Variants in RUNX1 observed in about 807,000 individuals in gnomAD.
RUNX1 encodes the protein RUNX family transcription factor 1, also known as runt-related transcription factor 1.
Under a neutral mutation model 42.8 loss-of-function variants are expected in RUNX1, and 19 were observed. That is an observed-to-expected ratio of 0.44 (90% CI 0.31 to 0.65). The LOEUF (loss-of-function observed/expected upper bound fraction) is 0.65, where lower values mean the gene tolerates loss of function less well. Among genes scored for constraint, RUNX1 ranks in the 30% least tolerant of loss-of-function variants. The pLI is 0.07. For missense variants in RUNX1, 528 were observed against 672.0 expected, an observed-to-expected ratio of 0.79 and a Z score of 2.37; for synonymous variants, 271 against 289.4, an observed-to-expected ratio of 0.94 and a Z score of 0.64.
intron 6 of RUNX1, among the ~76,000 whole-genome samples, chr21:34,836,726 T>A (rs7280071): frequency 0.28 from 42,822 of 152,106 alleles, 7,110 homozygotes; most frequent in African/African-American, 0.46. Flanking sequence ...AAACTTCACA[T>A]TCCTCAGGCA....
At chr21:34,897,352 C>T (rs945144531) in intron 2 of RUNX1, among the ~76,000 whole-genome samples, 47 of 152,170 alleles carry the variant, frequency 3.1e-4, no homozygotes, top group African/African-American at 1.1e-3. Flanking sequence ...CCAGATTAGT[C>T]TCCTGCACCA....
chr21:34,834,753 G>A, intron 6 of RUNX1, 152 bp from the exon 7 acceptor site: 2 of 722,970 alleles, frequency 2.8e-6, no homozygotes, highest in East Asian at 5.4e-5. Flanking sequence ...CTAGAGATAT[G>A]CCAGCTGAAT....
At chr21:34,834,157 A>G in intron 7 of RUNX1, 1 of 692,634 alleles carries the variant, frequency 1.4e-6, no homozygotes, top group Non-Finnish European at 2.6e-6. Context: ...AGCTCCTCGT[A>G]TCCTCTGTAG....
rs1439075551 is a variant in RUNX1, at chr21:35,047,559, ACACTCTCT to A, written c.58+1275_58+1282del. ...CACACACACACACACACACACACACACACTCTCTCTCTCTCTCTCTCTCTCTCTCTCTC... is the reference window on the plus strand; with the variant it reads ...CACACACACACACACACACACACACACTCTCTCTCTCTCTCTCTCTCTCTC... On this transcript the variant is annotated intron_variant, in intron 2 of 8. Transcript: ENST00000675419. Among the ~76,000 whole-genome samples, 206 of 64,284 alleles carry A rather than the reference ACACTCTCT, an allele frequency of 3.2e-3. 1 individual carries two copies. Among genetic ancestry groups the A allele is most frequent in the South Asian group, 0.02 (33 of 1,634 alleles). The allele number at this position is 64,284 out of a possible 152,430, so 42.2% of individuals were successfully genotyped here.
intron 7 of RUNX1, among the ~76,000 whole-genome samples, chr21:34,816,468 G>T (rs958053030): frequency 1.2e-4 from 18 of 152,142 alleles, no homozygotes; most frequent in African/African-American, 4.1e-4. Flanking sequence ...CAGCACAGAT[G>T]GTGGAAAATC....
chr21:34,929,935 C>G (rs1197087160), intron 2 of RUNX1, among the ~76,000 whole-genome samples: 1 of 151,698 alleles, frequency 6.6e-6, no homozygotes, highest in East Asian at 1.9e-4. Flanking sequence ...TTCATATATC[C>G]CCTTTTAAGT....
intron 2 of RUNX1, among the ~76,000 whole-genome samples, chr21:34,894,055 GC>G (rs1160820973): frequency 6.6e-6 from 1 of 152,128 alleles, no homozygotes; most frequent in Non-Finnish European, 1.5e-5. Flanking sequence ...TTTTTAAAGA[GC>G]AAGGCAGAGA....
chr21:34,913,461 A>T (rs1196173007), intron 2 of RUNX1, among the ~76,000 whole-genome samples: 1 of 152,154 alleles, frequency 6.6e-6, no homozygotes, highest in African/African-American at 2.4e-5. Context: ...CCAGGCCAGG[A>T]GTGTCAGCTT....
At chr21:34,897,122 A>G (rs1043651096) in intron 2 of RUNX1, among the ~76,000 whole-genome samples, 4 of 152,190 alleles carry the variant, frequency 2.6e-5, no homozygotes, top group Admixed American at 6.5e-5. Flanking sequence ...CCACTGCACC[A>G]TCATTCTCCC....
chr21:34,831,071 CG>C (rs2057056704), intron 7 of RUNX1, among the ~76,000 whole-genome samples: 2 of 152,082 alleles, frequency 1.3e-5, no homozygotes, highest in African/African-American at 4.8e-5. Flanking sequence ...GAACAGGCAT[CG>C]GTACCACTAG....
chr21:34,788,185 C>T lies in RUNX1; in HGVS notation c.*3950G>A, dbSNP rs764385551. On this transcript the variant is annotated 3_prime_UTR_variant, in exon 9 of 9. Transcript: ENST00000675419. ...CACGAATTTTCAGGATGTTTTGTGA[C>T]CAAACCCAATAACTGCCACACAAAT... 3.9e-5 allele frequency: 9 copies of T among 233,540 alleles called. No individual in the cohort carries two copies. In the Admixed American group the frequency reaches 3.9e-4, roughly 10 times the overall value. 14.5% of individuals were successfully genotyped at this position (233,540 alleles called of 1,614,324 possible).
chr21:34,830,338 CT>C (rs1313886029), intron 7 of RUNX1, among the ~76,000 whole-genome samples: 40 of 152,254 alleles, frequency 2.6e-4, no homozygotes, highest in African/African-American at 9.1e-4. Flanking sequence ...ATTCATTATT[CT>C]GAGTTTTCTT....
chr21:34,994,656 AC>A lies in RUNX1; in HGVS notation c.58+54185del, dbSNP rs1301991969. Among the ~76,000 whole-genome samples, 692 of 152,244 alleles carry A rather than the reference AC, an allele frequency of 4.5e-3. 7 individuals are homozygous for A. Among genetic ancestry groups the A allele is most frequent in the African/African-American group, 0.016 (653 of 41,552 alleles). On this transcript the variant is annotated intron_variant, in intron 2 of 8. Coordinates refer to ENST00000675419, the MANE Select transcript of RUNX1 (RefSeq NM_001754.5). ...CTAGGTACCTACATTTACGGGTACT[AC>A]GTACCCGTAAAAATTGAAAATTAAA...
Position 34,998,589 on chromosome 21 carries a change from T to C in RUNX1, c.58+50253A>G, listed in dbSNP as rs574179524. On this transcript the variant is annotated intron_variant, in intron 2 of 8. Coordinates refer to ENST00000675419, the MANE Select transcript of RUNX1 (RefSeq NM_001754.5). ...TGGAGTCTTGCTCTGTCACCCAGGC[T>C]GTAGTGTAGTGGCCCAGTCTCGGCT... 8.5e-5 allele frequency among the ~76,000 whole-genome samples: 13 copies of C among 152,254 alleles called. No individual in the cohort carries two copies. The South Asian group carries it at 2.1e-3, about 24-fold the overall frequency.
chr21:34,933,387 G>C (rs2058462183), intron 2 of RUNX1, among the ~76,000 whole-genome samples: 1 of 152,108 alleles, frequency 6.6e-6, no homozygotes, highest in South Asian at 2.1e-4. Context: ...GCTCTGATGT[G>C]TTTACACTTA....
chr21:35,000,242 T>C (rs918751750), intron 2 of RUNX1, among the ~76,000 whole-genome samples: 201 of 143,588 alleles, frequency 1.4e-3, no homozygotes, highest in African/African-American at 5.1e-3. Flanking sequence ...CTTTCTTTTT[T>C]TTTTTTTTTT....
intron 3 of RUNX1, among the ~76,000 whole-genome samples, chr21:34,889,135 C>T (rs1318967820): frequency 1.7e-5 from 1 of 60,520 alleles, no homozygotes; most frequent in Non-Finnish European, 3.2e-5. Flanking sequence ...GCAGTGGCCG[C>T]CACGAGGCTC....
rs150136410 is a variant in RUNX1 at position 35,007,860 on chromosome 21, T to C, written c.58+40982A>G. Among the ~76,000 whole-genome samples the C allele has an allele frequency of 2.8e-3, 423 of 152,350 alleles. 2 individuals carry two copies. Among genetic ancestry groups the C allele is most frequent in the African/African-American group, 9.5e-3 (396 of 41,588 alleles). ...TTTTATAATCCAGAACTATTTCATG[T>C]TCCAGCTTTAAAATATGTCCCTGAT... On this transcript the variant is annotated intron_variant, in intron 2 of 8. Transcript: ENST00000675419.
At chr21:34,914,679 C>T (rs1258056315) in intron 2 of RUNX1, among the ~76,000 whole-genome samples, 4 of 152,180 alleles carry the variant, frequency 2.6e-5, no homozygotes, top group Non-Finnish European at 4.4e-5. Flanking sequence ...ACATTCTGGT[C>T]AGTGTCTTCA....
Sources: gnomAD v4.1 joint callset for allele counts (sites outside exome capture counted in the v4.1 genomes callset) on GRCh38, gnomAD v4.1.1 for gene constraint, MANE v1.5 for transcripts, NCBI Gene and HGNC (gene_info 2026-07-23, HGNC 2026-07-21) for gene names.